Variants in RORA observed in about 807,000 individuals in gnomAD.
RORA encodes RAR related orphan receptor A, also known as nuclear receptor ROR-alpha.
In RORA, 7 loss-of-function variants were observed where a neutral mutation model predicts 69.5. The ratio of observed to expected loss-of-function variants is 0.10; its 90% CI spans 0.06 to 0.19. The LOEUF is 0.19. Among genes scored for constraint, RORA ranks in the 10% least tolerant of loss-of-function variants. RORA has a pLI of 1.00. For missense variants in RORA, 457 were observed against 663.0 expected, an observed-to-expected ratio of 0.69 and a Z score of 3.41; for synonymous variants, 261 against 240.8, an observed-to-expected ratio of 1.08 and a Z score of -0.78.
chr15:60,946,905 C>A (rs1389241744), intron 1 of RORA, among the ~76,000 whole-genome samples: 1 of 151,924 alleles, frequency 6.6e-6, no homozygotes, highest in Admixed American at 6.5e-5. Context: ...TGAGGAGCGC[C>A]TCTGCCCGGC....
At chr15:60,600,613 G>T (rs896143475) in intron 2 of RORA, among the ~76,000 whole-genome samples, 2 of 152,148 alleles carry the variant, frequency 1.3e-5, no homozygotes, top group Non-Finnish European at 2.9e-5. Context: ...TAATAAAAAG[G>T]TTAAAATTTT....
At chr15:60,951,866 G>A (rs1449452422) in intron 1 of RORA, among the ~76,000 whole-genome samples, 4 of 151,546 alleles carry the variant, frequency 2.6e-5, no homozygotes, top group Non-Finnish European at 5.9e-5. Flanking sequence ...GAGGTACAAG[G>A]AGGAACTGGT....
chr15:60,914,517 A>G (rs1294432848), intron 1 of RORA, among the ~76,000 whole-genome samples: 2 of 152,220 alleles, frequency 1.3e-5, no homozygotes, highest in Non-Finnish European at 2.9e-5. Context: ...TACCATGTCC[A>G]CTGTTCTGCC....
chr15:60,558,477 T>C, intron 2 of RORA: 1 of 537,156 alleles, frequency 1.9e-6, no homozygotes, highest in South Asian at 2.7e-5. Context: ...ACTGAATATT[T>C]TTGTTGGGCA....
chr15:61,074,346 A>G (rs1194368674), intron 1 of RORA, among the ~76,000 whole-genome samples: 1 of 152,214 alleles, frequency 6.6e-6, no homozygotes, highest in Non-Finnish European at 1.5e-5. Flanking sequence ...TCCATAAAGG[A>G]GTTATATAAT....
At position 60,505,651 on chromosome 15, in the gene RORA, A is replaced by G. The variant is rs941954357; in HGVS notation, c.821-22T>C. On this transcript the variant is annotated intron_variant, in intron 5 of 10. Transcript: ENST00000335670. Reference sequence around the variant, plus strand: ...TGTTCTAAGGAGAAAACGGGAGATCACAAACACGAAAAGCGAAGTTCTTTG... The same window carrying G: ...TGTTCTAAGGAGAAAACGGGAGATCGCAAACACGAAAAGCGAAGTTCTTTG... 6 of 1,609,548 alleles carry G rather than the reference A, an allele frequency of 3.7e-6. No homozygotes were observed. The African/African-American group carries it at 5.3e-5, about 14-fold the overall frequency.
rs970363813 is a variant in RORA at position 60,493,549 on chromosome 15, A to G, written c.*3906T>C. ...ACTAGCTATTCCTTAGTCTAAAACT[A>G]AAAACACACATTTCTACTATGGCAC... On this transcript the variant is annotated 3_prime_UTR_variant, in exon 11 of 11. Transcript: ENST00000335670. 6.6e-6 allele frequency: 1 copy of G among 152,218 alleles called. No individual in the cohort carries two copies. The highest frequency in any genetic ancestry group is 2.4e-5 in the African/African-American group (1 of 41,458). 9.4% of individuals were successfully genotyped at this position (152,218 alleles called of 1,614,324 possible).
At chr15:60,695,792 G>A (rs918871215) in intron 1 of RORA, among the ~76,000 whole-genome samples, 7 of 151,814 alleles carry the variant, frequency 4.6e-5, no homozygotes, top group Admixed American at 3.3e-4. Context: ...AATATGGCTC[G>A]AGAAAGTACA....
At chr15:60,960,749 C>T (rs926569246) in intron 1 of RORA, among the ~76,000 whole-genome samples, 7 of 151,778 alleles carry the variant, frequency 4.6e-5, no homozygotes, top group African/African-American at 1.7e-4. Context: ...TTCACTTGAT[C>T]GCCTCTGGAT....
intron 1 of RORA, among the ~76,000 whole-genome samples, chr15:60,799,763 A>G (rs1215025396): frequency 6.6e-6 from 1 of 152,176 alleles, no homozygotes; most frequent in Non-Finnish European, 1.5e-5. Flanking sequence ...CCCATGTCCC[A>G]GAGACTGCAA....
chr15:60,862,913 TG>T (rs1472414730), intron 1 of RORA, among the ~76,000 whole-genome samples: 1 of 152,230 alleles, frequency 6.6e-6, no homozygotes, highest in Non-Finnish European at 1.5e-5. Context: ...TGCCCTTTTT[TG>T]GTTGTTGTTA....
intron 1 of RORA, among the ~76,000 whole-genome samples, chr15:61,110,962 T>C (rs907096496): frequency 1.3e-5 from 2 of 152,206 alleles, no homozygotes; most frequent in Non-Finnish European, 1.5e-5. Context: ...TTGTGTCTTG[T>C]TTCCTTCTGT....
At chr15:60,804,249 C>T (rs1037558238) in intron 1 of RORA, among the ~76,000 whole-genome samples, 2 of 130,888 alleles carry the variant, frequency 1.5e-5, no homozygotes, top group African/African-American at 3.0e-5. Context: ...GATCACACCA[C>T]GGGACTCCAG....
At chr15:61,095,766 G>A (rs2078780363) in intron 1 of RORA, among the ~76,000 whole-genome samples, 1 of 152,224 alleles carries the variant, frequency 6.6e-6, no homozygotes, top group African/African-American at 2.4e-5. Flanking sequence ...AGGACCCCAA[G>A]GTCCATGATT....
chr15:60,857,429 C>G (rs1268998683), intron 1 of RORA, among the ~76,000 whole-genome samples: 1 of 152,110 alleles, frequency 6.6e-6, no homozygotes, highest in Non-Finnish European at 1.5e-5. Context: ...GCCCTCTCCA[C>G]CTTGAACACC....
At chr15:60,553,780 T>C (rs898580975) in intron 2 of RORA, among the ~76,000 whole-genome samples, 2 of 152,224 alleles carry the variant, frequency 1.3e-5, no homozygotes, top group African/African-American at 4.8e-5. Flanking sequence ...ACAAACCTTA[T>C]TGAAGTAACC....
intron 2 of RORA, among the ~76,000 whole-genome samples, chr15:60,591,535 T>A (rs983706492): frequency 1.3e-5 from 2 of 149,942 alleles, no homozygotes; most frequent in African/African-American, 4.9e-5. Context: ...CCGGCCCGGC[T>A]ACGGAGTCCT....
At chr15:60,798,950 T>TA (rs1567195293) in intron 1 of RORA, among the ~76,000 whole-genome samples, 32 of 151,172 alleles carry the variant, frequency 2.1e-4, no homozygotes, top group African/African-American at 7.8e-4. Flanking sequence ...TTTTTTTTTT[T>TA]TAAACTCAAG....
intron 1 of RORA, among the ~76,000 whole-genome samples, chr15:60,896,884 C>T (rs1891245331): frequency 1.3e-5 from 2 of 152,098 alleles, no homozygotes; most frequent in Non-Finnish European, 2.9e-5. Context: ...ATCACTTTAT[C>T]TAAGTGGGGC....
Sources: gnomAD v4.1 joint callset for allele counts (sites outside exome capture counted in the v4.1 genomes callset) on GRCh38, gnomAD v4.1.1 for gene constraint, MANE v1.5 for transcripts, NCBI Gene and HGNC (gene_info 2026-07-23, HGNC 2026-07-21) for gene names.